Variants in PTCHD4 observed in about 807,000 individuals in gnomAD.
PTCHD4 encodes patched domain-containing protein 4.
PTCHD4 carries 33 observed loss-of-function variants against 58.1 expected under a neutral mutation model. The observed-to-expected ratio is 0.57, with a 90% CI of 0.43 to 0.76. PTCHD4 has a LOEUF of 0.76. Among genes scored for constraint, PTCHD4 ranks in the 30% least tolerant of loss-of-function variants. The pLI, the probability that PTCHD4 is intolerant of heterozygous loss-of-function variation, is 0.00. For synonymous variants in PTCHD4, 478 were observed against 409.6 expected, an observed-to-expected ratio of 1.17 and a Z score of -2.02; for missense variants, 1,058 against 1,027.1, an observed-to-expected ratio of 1.03 and a Z score of -0.41.
chr6:47,912,249 T>C (rs1765092593), intron 4 of PTCHD4, among the ~76,000 whole-genome samples: 2 of 152,040 alleles, frequency 1.3e-5, no homozygotes, highest in South Asian at 4.1e-4. Flanking sequence ...CTTCTTGATC[T>C]AGAAAAGGAA....
chr6:48,091,701 T>TA lies in PTCHD4; in HGVS notation c.-970+19347dup, dbSNP rs1485026969. 1.0e-4 allele frequency among the ~76,000 whole-genome samples: 15 copies of TA among 150,054 alleles called. No homozygotes were observed. The East Asian group carries it at 3.0e-3, about 30-fold the overall frequency. On this transcript the variant is annotated intron_variant, in intron 1 of 4. Coordinates refer to ENST00000339488, the MANE Select transcript of PTCHD4 (RefSeq NM_001384253.1). ...TCGCTTTGTTGCCCAGGATGGAGTG[T>TA]AGTGGCACAATCTCGGCTCACTGCA...
chr6:47,908,628 G>T (rs1289848380), intron 4 of PTCHD4, among the ~76,000 whole-genome samples: 1 of 152,158 alleles, frequency 6.6e-6, no homozygotes, highest in Non-Finnish European at 1.5e-5. Context: ...TTCTGGGCTG[G>T]AAGTCACCAC....
At chr6:48,043,527 G>A (rs1763922027) in intron 3 of PTCHD4, among the ~76,000 whole-genome samples, 1 of 151,670 alleles carries the variant, frequency 6.6e-6, no homozygotes, top group Non-Finnish European at 1.5e-5. Context: ...AAGTACATTT[G>A]CCCTTTCTGC....
At position 48,050,143 on chromosome 6, in the gene PTCHD4, A is replaced by G. The variant is rs569723240; in HGVS notation, c.417+18087T>C. Among the ~76,000 whole-genome samples the G allele has an allele frequency of 2.6e-5, 4 of 152,124 alleles. No individual in the cohort carries two copies. The East Asian group carries it at 7.7e-4, about 29-fold the overall frequency. ...TCATAATAAAGAGAAATAGTTTTAT[A>G]ATAGAGAAGTGTCACGATATTAGTC... On this transcript the variant is annotated intron_variant, in intron 3 of 4. Transcript: ENST00000339488.
chr6:47,998,000 C>T (rs936407047), intron 4 of PTCHD4, among the ~76,000 whole-genome samples: 1 of 152,068 alleles, frequency 6.6e-6, no homozygotes, highest in Admixed American at 6.6e-5. Flanking sequence ...ATGGCATAAC[C>T]CTTAATGCAT....
chr6:47,925,227 C>T (rs188286052), intron 4 of PTCHD4, among the ~76,000 whole-genome samples: 65 of 150,788 alleles, frequency 4.3e-4, no homozygotes, highest in Middle Eastern at 6.9e-3. Flanking sequence ...TTTGTTACTG[C>T]TGGTGGTTGT....
chr6:48,060,584 C>T (rs938797883), intron 3 of PTCHD4, among the ~76,000 whole-genome samples: 1 of 152,234 alleles, frequency 6.6e-6, no homozygotes, highest in East Asian at 1.9e-4. Context: ...AGGCATCCTT[C>T]TACCTCTGCC....
chr6:48,031,461 T>C (rs150165994), intron 3 of PTCHD4, among the ~76,000 whole-genome samples: 13 of 152,204 alleles, frequency 8.5e-5, no homozygotes, highest in Middle Eastern at 3.4e-3. Context: ...TCCCTCTGAG[T>C]AAAGAATAAT....
At chr6:48,079,554 G>A (rs898270076) in intron 1 of PTCHD4, among the ~76,000 whole-genome samples, 1 of 151,418 alleles carries the variant, frequency 6.6e-6, no homozygotes, top group Non-Finnish European at 1.5e-5. Flanking sequence ...GCCAAGTAGG[G>A]CAGAGGAGAA....
intron 1 of PTCHD4, among the ~76,000 whole-genome samples, chr6:48,093,773 C>T (rs1204061439): frequency 6.6e-6 from 1 of 152,032 alleles, no homozygotes; most frequent in Non-Finnish European, 1.5e-5. Context: ...AGGAAATTGA[C>T]TATAAAGAAA....
At position 47,909,727 on chromosome 6, in the gene PTCHD4, C is replaced by T. The variant is rs190852116; in HGVS notation, c.899-29791G>A. The stretch of plus-strand genomic sequence containing the variant: ...AAAGTGTTGGGATTGCAGGTATGAG[C>T]CACCATGCCTGGACTTTTTTTTTCT... On this transcript the variant is annotated intron_variant, in intron 4 of 4. Transcript: ENST00000339488. 2.6e-5 allele frequency among the ~76,000 whole-genome samples: 4 copies of T among 152,166 alleles called. No homozygotes were observed. In the East Asian group the frequency reaches 7.8e-4, roughly 30 times the overall value.
At chr6:48,109,726 A>T (rs955811512) in intron 1 of PTCHD4, among the ~76,000 whole-genome samples, 1 of 152,052 alleles carries the variant, frequency 6.6e-6, no homozygotes, top group Non-Finnish European at 1.5e-5. Context: ...ACAAAACCCC[A>T]AAAAACAAAA....
At chr6:47,949,722 C>T (rs1766561729) in intron 4 of PTCHD4, among the ~76,000 whole-genome samples, 1 of 152,084 alleles carries the variant, frequency 6.6e-6, no homozygotes, top group Non-Finnish European at 1.5e-5. Flanking sequence ...GTGATACAGT[C>T]TCCCCTCCTT....
At chr6:48,016,257 A>T (rs1762866072) in intron 3 of PTCHD4, among the ~76,000 whole-genome samples, 1 of 151,990 alleles carries the variant, frequency 6.6e-6, no homozygotes, top group African/African-American at 2.4e-5. Context: ...ATTTGAGGCT[A>T]CAGAAGGCAG....
At chr6:47,925,136 CT>C (rs1424369324) in intron 4 of PTCHD4, among the ~76,000 whole-genome samples, 1 of 148,654 alleles carries the variant, frequency 6.7e-6, no homozygotes, top group East Asian at 2.0e-4. Flanking sequence ...TATGTATATG[CT>C]TTTAATATAT....
Position 48,068,295 on chromosome 6 carries a change from C to T in PTCHD4, c.352G>A (p.Gly118Arg). Residue 118 changes from glycine to arginine, a missense_variant, in exon 3 of 5, where the codon GGG becomes AGG. By Grantham distance (125) the Gly-to-Arg change is moderately radical. Coordinates refer to ENST00000339488, the MANE Select transcript of PTCHD4 (RefSeq NM_001384253.1). This position sits in a 1 kb window ranked among gnomAD's most constrained non-coding sequence, Gnocchi z 4.2. The stretch of plus-strand genomic sequence containing the variant: ...TCAGCCTGGAGCAAAATATTGTCCC[C>T]GGTTGGGGAGAGGAGGATCACCCTG... Reference protein sequence around the residue: ...YGRVILLSPTGDNILLQAEGI... With the variant: ...YGRVILLSPTRDNILLQAEGI... 6.2e-7 allele frequency: 1 copy of T among 1,611,496 alleles called. No individual in the cohort carries two copies. The highest frequency in any genetic ancestry group is 1.3e-5 in the African/African-American group (1 of 74,998).
chr6:48,019,446 A>T (rs553360100), intron 3 of PTCHD4, among the ~76,000 whole-genome samples: 2 of 152,288 alleles, frequency 1.3e-5, no homozygotes, highest in African/African-American at 4.8e-5. Flanking sequence ...TTAAAAAAAT[A>T]TAAGTACTGG....
chr6:47,961,935 T>C (rs562279941), intron 4 of PTCHD4, among the ~76,000 whole-genome samples: 1 of 151,998 alleles, frequency 6.6e-6, no homozygotes, highest in African/African-American at 2.4e-5. Flanking sequence ...ATAAACTAAA[T>C]AGAACATTAG....
intron 3 of PTCHD4, among the ~76,000 whole-genome samples, chr6:48,019,613 G>A (rs12200823): frequency 0.15 from 23,176 of 151,948 alleles, 2,306 homozygotes; most frequent in Non-Finnish European, 0.22. Flanking sequence ...GGGGGCTCCT[G>A]TAATTCCAGC....
Sources: allele counts gnomAD v4.1 joint callset (sites outside exome capture counted in the v4.1 genomes callset), GRCh38; gene constraint gnomAD v4.1.1; non-coding constraint Gnocchi (gnomAD v3.1); transcripts MANE v1.5; gene names NCBI Gene and HGNC (gene_info 2026-07-23, HGNC 2026-07-21).